RHBDL2: variants seen among roughly 807,000 people sequenced by gnomAD.
RHBDL2 encodes the protein rhomboid like 2.
In RHBDL2, 26 loss-of-function variants were observed where a neutral mutation model predicts 31.7. The observed-to-expected ratio is 0.82, with a 90% CI of 0.60 to 1.14. The LOEUF (loss-of-function observed/expected upper bound fraction) is 1.14. RHBDL2 is among the 50% of genes most tolerant of loss of function. The probability of loss-of-function intolerance (pLI) is 0.00; values close to 1 mark genes in which losing one functional copy is unlikely to be tolerated. For synonymous variants in RHBDL2, 123 were observed against 127.2 expected, an observed-to-expected ratio of 0.97 and a Z score of 0.22; for missense variants, 336 against 364.4, an observed-to-expected ratio of 0.92 and a Z score of 0.63.
chr1:38,911,933 A>G (rs1643154053), intron 3 of RHBDL2, among the ~76,000 whole-genome samples: 1 of 151,334 alleles, frequency 6.6e-6, no homozygotes, highest in African/African-American at 2.4e-5. Context: ...CAGCCTCCCT[A>G]GTAGCTGAGA....
At chr1:38,934,120 G>A (rs1643466748) in intron 1 of RHBDL2, among the ~76,000 whole-genome samples, 1 of 150,982 alleles carries the variant, frequency 6.6e-6, no homozygotes, top group African/African-American at 2.4e-5. Flanking sequence ...AACTGAGGTG[G>A]GTGGATCATT....
chr1:38,914,125 A>AC (rs966996247), intron 3 of RHBDL2, among the ~76,000 whole-genome samples: 1 of 152,042 alleles, frequency 6.6e-6, no homozygotes, highest in African/African-American at 2.4e-5. Flanking sequence ...CAAAAAAAAA[A>AC]AAGAAAGAAA....
intron 1 of RHBDL2, among the ~76,000 whole-genome samples, chr1:38,930,461 A>G (rs1160860162): frequency 1.3e-5 from 2 of 152,298 alleles, no homozygotes; most frequent in East Asian, 3.9e-4. Context: ...AACATATTAC[A>G]TATATTTGTG....
At chr1:38,888,097 T>C (rs753379639) in intron 6 of RHBDL2, 73 bp from the exon 7 acceptor site, 92 of 881,284 alleles carry the variant, frequency 1.0e-4, no homozygotes, top group Non-Finnish European at 1.6e-4. Flanking sequence ...GGTTCCCCTC[T>C]AATAATAATA....
intron 1 of RHBDL2, among the ~76,000 whole-genome samples, chr1:38,936,505 T>G (rs1402451707): frequency 1.3e-5 from 2 of 149,824 alleles, no homozygotes; most frequent in East Asian, 2.0e-4. Context: ...TTTTGGGTTT[T>G]TTTTTTTTTT....
intron 1 of RHBDL2, chr1:38,929,297 T>C: frequency 1.3e-6 from 1 of 788,282 alleles, no homozygotes; most frequent in South Asian, 1.5e-5. Context: ...ATTCCCACCA[T>C]CCCCACTGCT....
At chr1:38,905,344 CATG>C (rs1486723872) in intron 4 of RHBDL2, among the ~76,000 whole-genome samples, 1 of 152,016 alleles carries the variant, frequency 6.6e-6, no homozygotes, top group African/African-American at 2.4e-5. Context: ...GGATTATAGG[CATG>C]AGCCATTGTG....
At chr1:38,900,269 A>T (rs192469589) in intron 4 of RHBDL2, among the ~76,000 whole-genome samples, 127 of 152,148 alleles carry the variant, frequency 8.3e-4, no homozygotes, top group Middle Eastern at 3.4e-3. Context: ...AAAATACAAA[A>T]ATTAGCCGGG....
At chr1:38,908,023 A>G (rs1643089657) in intron 4 of RHBDL2, among the ~76,000 whole-genome samples, 1 of 152,080 alleles carries the variant, frequency 6.6e-6, no homozygotes, top group Non-Finnish European at 1.5e-5. Flanking sequence ...TATATAAAGA[A>G]CCCTCAAAAT....
At chr1:38,887,549 C>T (rs1486287753) in intron 7 of RHBDL2, among the ~76,000 whole-genome samples, 4 of 152,076 alleles carry the variant, frequency 2.6e-5, no homozygotes, top group Admixed American at 6.6e-5. Flanking sequence ...CTCAGCTTCC[C>T]GAGTAGCTGG....
At chr1:38,900,749 A>G (rs936868422) in intron 4 of RHBDL2, among the ~76,000 whole-genome samples, 1 of 151,876 alleles carries the variant, frequency 6.6e-6, no homozygotes, top group African/African-American at 2.4e-5. Flanking sequence ...AAATAAAAAT[A>G]AAAAATAAAA....
At chr1:38,905,436 T>A (rs889108447) in intron 4 of RHBDL2, among the ~76,000 whole-genome samples, 12 of 150,854 alleles carry the variant, frequency 8.0e-5, no homozygotes, top group African/African-American at 2.9e-4. Flanking sequence ...ATAAATGGAT[T>A]GGTAAAGAGC....
At chr1:38,910,914 G>A (rs1247286314) in intron 4 of RHBDL2, among the ~76,000 whole-genome samples, 1 of 147,018 alleles carries the variant, frequency 6.8e-6, no homozygotes, top group African/African-American at 2.4e-5. Flanking sequence ...GAGTAGCTGG[G>A]ATTATAGGGG....
intron 1 of RHBDL2, among the ~76,000 whole-genome samples, chr1:38,928,180 C>T (rs1410290093): frequency 2.6e-4 from 32 of 125,390 alleles, no homozygotes; most frequent in Admixed American, 1.7e-3. Context: ...CTCGCTTTGT[C>T]GCCCAGGCTG....
At chr1:38,936,516 T>TC (rs35688850) in intron 1 of RHBDL2, among the ~76,000 whole-genome samples, 7 of 149,660 alleles carry the variant, frequency 4.7e-5, no homozygotes, top group African/African-American at 1.2e-4. Flanking sequence ...TTTTTTTTTT[T>TC]CAAGATGGAG....
At chr1:38,909,176 G>A (rs1309272841) in intron 4 of RHBDL2, among the ~76,000 whole-genome samples, 2 of 152,120 alleles carry the variant, frequency 1.3e-5, no homozygotes, top group African/African-American at 2.4e-5. Flanking sequence ...GGATGGGGGC[G>A]TGGCAAGTCA....
At chr1:38,932,522 C>G (rs1189479016) in intron 1 of RHBDL2, among the ~76,000 whole-genome samples, 1 of 152,150 alleles carries the variant, frequency 6.6e-6, no homozygotes, top group African/African-American at 2.4e-5. Flanking sequence ...TGCAGTGGTA[C>G]GAACTCAGCT....
At chr1:38,893,711 CT>C (rs1255958122) in intron 5 of RHBDL2, among the ~76,000 whole-genome samples, 1 of 148,502 alleles carries the variant, frequency 6.7e-6, no homozygotes, top group Non-Finnish European at 1.5e-5. Flanking sequence ...ATTGCAGGGT[CT>C]TTTGGGGGCG....
At chr1:38,888,524 G>A (rs1642814900) in intron 6 of RHBDL2, among the ~76,000 whole-genome samples, 1 of 152,158 alleles carries the variant, frequency 6.6e-6, no homozygotes, top group Admixed American at 6.5e-5. Flanking sequence ...ATATGACGCT[G>A]GACAGAGGTA....
Sources: allele counts gnomAD v4.1 joint callset (sites outside exome capture counted in the v4.1 genomes callset), GRCh38; gene constraint gnomAD v4.1.1; transcripts MANE v1.5; gene names NCBI Gene and HGNC (gene_info 2026-07-23, HGNC 2026-07-21).